CNTNAP4: variants seen among roughly 807,000 people sequenced by gnomAD.
CNTNAP4 encodes contactin-associated protein-like 4.
CNTNAP4 carries 98 observed loss-of-function variants against 148.4 expected under a neutral mutation model. The observed-to-expected ratio is 0.66, with a 90% CI of 0.56 to 0.78. The LOEUF is 0.78. Among genes scored for constraint, CNTNAP4 ranks in the 30% least tolerant of loss-of-function variants. CNTNAP4 has a pLI of 0.00. For synonymous variants in CNTNAP4, 730 were observed against 565.1 expected, an observed-to-expected ratio of 1.29 and a Z score of -4.14; for missense variants, 1,935 against 1,565.6, an observed-to-expected ratio of 1.24 and a Z score of -3.98.
chr16:76,279,635 G>A (rs1958612748), intron 1 of CNTNAP4, among the ~76,000 whole-genome samples: 2 of 152,164 alleles, frequency 1.3e-5, no homozygotes, highest in South Asian at 2.1e-4. Flanking sequence ...AAACCTATAC[G>A]ATTTTTCATT....
At chr16:76,500,340 A>G (rs929774529) in intron 15 of CNTNAP4, among the ~76,000 whole-genome samples, 11 of 152,216 alleles carry the variant, frequency 7.2e-5, no homozygotes, top group African/African-American at 2.2e-4. Context: ...AAGTACTCCT[A>G]TGAGGTACAA....
intron 15 of CNTNAP4, among the ~76,000 whole-genome samples, chr16:76,512,521 A>G: frequency 6.6e-6 from 1 of 152,200 alleles, no homozygotes; most frequent in Non-Finnish European, 1.5e-5. Flanking sequence ...GAGGGAAAGA[A>G]CTGGCATTAA....
chr16:76,385,194 T>G (rs1293598239), intron 3 of CNTNAP4, among the ~76,000 whole-genome samples: 1 of 152,212 alleles, frequency 6.6e-6, no homozygotes, highest in East Asian at 1.9e-4. Flanking sequence ...CCCAGATTTA[T>G]TTAGAGCAGC....
chr16:76,312,527 G>C (rs1961239698), intron 1 of CNTNAP4, among the ~76,000 whole-genome samples: 1 of 152,126 alleles, frequency 6.6e-6, no homozygotes, highest in African/African-American at 2.4e-5. Context: ...ATTACTGTTT[G>C]AGGTTCTCTT....
intron 3 of CNTNAP4, among the ~76,000 whole-genome samples, chr16:76,418,692 T>A (rs1242057767): frequency 6.6e-6 from 1 of 150,698 alleles, no homozygotes; most frequent in Non-Finnish European, 1.5e-5. Context: ...TATTTGAGTC[T>A]TGTTCTGATA....
At chr16:76,545,569 A>G (rs1238524405) in intron 21 of CNTNAP4, among the ~76,000 whole-genome samples, 1 of 133,892 alleles carries the variant, frequency 7.5e-6, no homozygotes, top group African/African-American at 3.1e-5. Context: ...AATAACACAT[A>G]GAGCTCTACT....
intron 20 of CNTNAP4, 150 bp from the exon 21 acceptor site, chr16:76,540,553 T>A: frequency 3.5e-6 from 1 of 283,574 alleles, no homozygotes; most frequent in Admixed American, 4.8e-5. Flanking sequence ...TCTAAGTGGC[T>A]AAGCTTTTAA....
At chr16:76,483,720 A>T (rs1168328480) in intron 12 of CNTNAP4, among the ~76,000 whole-genome samples, 1 of 152,212 alleles carries the variant, frequency 6.6e-6, no homozygotes, top group East Asian at 1.9e-4. Flanking sequence ...ACATTTGTTC[A>T]TAGTATGAGA....
At chr16:76,515,487 GCAGTCATCTGCAAGC>G (rs375126553) in intron 15 of CNTNAP4, among the ~76,000 whole-genome samples, 5 of 152,122 alleles carry the variant, frequency 3.3e-5, no homozygotes, top group Non-Finnish European at 4.4e-5. Context: ...CAGGATGAAG[GCAGTCATCTGCAAGC>G]CAGGAAGAGA....
chr16:76,342,465 C>CTTTTTTTTTTTTTTTTTTTTTTTTTT (rs397854943), intron 2 of CNTNAP4, among the ~76,000 whole-genome samples: 2 of 91,490 alleles, frequency 2.2e-5, no homozygotes, highest in African/African-American at 1.0e-4. Flanking sequence ...TTGCTAATTT[C>CTTTTTTTTTTTTTTTTTTTTTTTTTT]TTTTTTTTTT....
intron 3 of CNTNAP4, among the ~76,000 whole-genome samples, chr16:76,410,469 T>A (rs2078754920): frequency 6.6e-6 from 1 of 151,728 alleles, no homozygotes; most frequent in Non-Finnish European, 1.5e-5. Flanking sequence ...TTTGTAGTTT[T>A]GTTACATCTG....
intron 2 of CNTNAP4, among the ~76,000 whole-genome samples, chr16:76,318,148 T>C (rs1480284271): frequency 3.3e-5 from 5 of 152,222 alleles, no homozygotes; most frequent in Non-Finnish European, 7.3e-5. Context: ...ATTGCAATGC[T>C]AATCCTAGAA....
Position 76,443,235 on chromosome 16 carries a change from CA to C in CNTNAP4, c.539-4772del, listed in dbSNP as rs138890341. ...ATTCTTATTCTTCCTTTCAGTTAAGCAAAAAGTCTCCTCTTACATCTTTAGA... is the reference window on the plus strand; with the variant it reads ...ATTCTTATTCTTCCTTTCAGTTAAGCAAAAGTCTCCTCTTACATCTTTAGA... On this transcript the variant is annotated intron_variant, in intron 4 of 23. Transcript: ENST00000611870. Among the ~76,000 whole-genome samples the C allele has an allele frequency of 7.0e-3, 1,063 of 152,172 alleles. 8 individuals are homozygous for C. The highest frequency in any genetic ancestry group is 0.024 in the African/African-American group (1,004 of 41,528).
chr16:76,330,019 C>T (rs534964868), intron 2 of CNTNAP4, among the ~76,000 whole-genome samples: 1 of 152,260 alleles, frequency 6.6e-6, no homozygotes, highest in Admixed American at 6.5e-5. Context: ...CACACCTGTG[C>T]TAAAGGAAAA....
chr16:76,298,866 G>T (rs1254714131), intron 1 of CNTNAP4, among the ~76,000 whole-genome samples: 1 of 152,052 alleles, frequency 6.6e-6, no homozygotes, highest in East Asian at 1.9e-4. Flanking sequence ...GTTGGGTGGG[G>T]GCAGGTAGGG....
At chr16:76,420,793 C>G (rs1486287176) in intron 3 of CNTNAP4, among the ~76,000 whole-genome samples, 2 of 151,920 alleles carry the variant, frequency 1.3e-5, no homozygotes, top group Non-Finnish European at 2.9e-5. Context: ...TTTGGGTTTT[C>G]TTCTTCTAGA....
At chr16:76,556,831 G>A (rs1257587705) in intron 23 of CNTNAP4, among the ~76,000 whole-genome samples, 5 of 152,122 alleles carry the variant, frequency 3.3e-5, no homozygotes, top group South Asian at 2.1e-4. Context: ...AATCAGCAAC[G>A]ATTTTCTACC....
chr16:76,329,592 A>T (rs1963323659), intron 2 of CNTNAP4, among the ~76,000 whole-genome samples: 1 of 152,228 alleles, frequency 6.6e-6, no homozygotes, highest in African/African-American at 2.4e-5. Context: ...ATTTTATCAA[A>T]GATTTTCTTC....
chr16:76,475,825 A>G (rs936628591), intron 10 of CNTNAP4, 114 bp from the exon 11 acceptor site: 2 of 663,422 alleles, frequency 3.0e-6, no homozygotes, highest in South Asian at 1.9e-5. Flanking sequence ...CTGAAGCATC[A>G]TTAGTCATTA....
Sources: allele counts gnomAD v4.1 joint callset (sites outside exome capture counted in the v4.1 genomes callset), GRCh38; gene constraint gnomAD v4.1.1; transcripts MANE v1.5; gene names NCBI Gene and HGNC (gene_info 2026-07-23, HGNC 2026-07-21).